KDM4F: variants seen among roughly 807,000 people sequenced by gnomAD.
KDM4F encodes the protein lysine demethylase 4F.
For missense variants in KDM4F, 586 were observed against 496.4 expected, an observed-to-expected ratio of 1.18 and a Z score of -1.71; for synonymous variants, 223 against 184.4, an observed-to-expected ratio of 1.21 and a Z score of -1.70.
At chr11:95,049,597 T>G in exon 1 of KDM4F, 1 of 1,599,158 alleles carries the variant, frequency 6.3e-7, no homozygotes, top group East Asian at 2.2e-5. Context: ...GCCAGACAGA[T>G]GTATGATGAT....
At chr11:95,050,388 C>A (rs989817087) in exon 1 of KDM4F, 6 of 921,000 alleles carry the variant, frequency 6.5e-6, no homozygotes, top group South Asian at 4.0e-5. Flanking sequence ...TGCCTTCGTG[C>A]GCATCCTGCA....
At chr11:95,051,314 G>T in exon 1 of KDM4F, 4 of 398,650 alleles carry the variant, frequency 1.0e-5, no homozygotes, top group South Asian at 1.3e-4. Context: ...CATGGCCATT[G>T]AATATGGTGT....
chr11:95,049,946 C>G (rs1368579281), exon 1 of KDM4F: 1 of 1,614,062 alleles, frequency 6.2e-7, no homozygotes, highest in Non-Finnish European at 8.5e-7. Context: ...TCAACACACC[C>G]TACCTGTACT....
At chr11:95,050,777 A>G in exon 1 of KDM4F, 1 of 645,190 alleles carries the variant, frequency 1.5e-6, no homozygotes, top group Non-Finnish European at 2.8e-6. Context: ...CTGAGGAGAC[A>G]ACTGTTCAGT....
chr11:95,049,563 G>A, exon 1 of KDM4F: 1 of 1,597,442 alleles, frequency 6.3e-7, no homozygotes, highest in Non-Finnish European at 8.5e-7. Context: ...CCTCGCCAAG[G>A]TAATTCCACC....
exon 1 of KDM4F, chr11:95,049,844 A>C: frequency 6.2e-7 from 1 of 1,602,940 alleles, no homozygotes; most frequent in Non-Finnish European, 8.5e-7. Flanking sequence ...GCGGCTCCTT[A>C]TTTGAAGAAA....
exon 1 of KDM4F, chr11:95,050,329 T>C: frequency 7.8e-7 from 1 of 1,285,326 alleles, no homozygotes; most frequent in Admixed American, 1.7e-5. Flanking sequence ...TATGGTAAAG[T>C]GGCTTCACAG....
Position 95,049,691 on chromosome 11 carries a change from G to A in KDM4F, c.270G>A (p.Lys90=), listed in dbSNP as rs1858491242. 23 of 1,602,754 alleles carry A rather than the reference G, an allele frequency of 1.4e-5. No individual in the cohort carries two copies. In the South Asian group the frequency reaches 2.1e-4, roughly 15 times the overall value. ...TGTTTACTCAATACCATAAAAAGAA[G>A]AAAGCCATGAGGGTGGGGCAGTATC... is the stretch of plus-strand genomic sequence containing the variant. Residue 90 remains lysine (K), a synonymous_variant, in exon 1 of 1, where the codon AAG becomes AAA. Transcript: ENST00000545950.
At chr11:95,050,861 C>G (rs1388967934) in exon 1 of KDM4F, 3 of 533,772 alleles carry the variant, frequency 5.6e-6, no homozygotes, top group African/African-American at 1.9e-5. Flanking sequence ...TCCAGTTCGC[C>G]GATGAAGCTT....
At chr11:95,050,613 G>C in exon 1 of KDM4F, 2 of 637,682 alleles carry the variant, frequency 3.1e-6, no homozygotes, top group South Asian at 3.6e-5. Context: ...AAAGGGCGGT[G>C]GTACCGATGC....
chr11:95,049,556 C>T (rs879995822), exon 1 of KDM4F: 70 of 1,596,386 alleles, frequency 4.4e-5, no homozygotes, highest in Middle Eastern at 1.6e-4. Flanking sequence ...GAGCTGGCCT[C>T]GCCAAGGTAA....
At chr11:95,049,533 C>T in the KDM4F span, 73 of 1,593,562 alleles carry the variant, frequency 4.6e-5, no homozygotes, top group Non-Finnish European at 6.0e-5. Context: ...CATGGAGTCC[C>T]AAGGCGCACA....
At chr11:95,050,588 GCT>G in the KDM4F span, 1 of 662,966 alleles carries the variant, frequency 1.5e-6, no homozygotes. Flanking sequence ...TGGCCCCAAG[GCT>G]CTGTTACAAC....
At chr11:95,049,518 G>C in exon 1 of KDM4F, 3 of 1,589,762 alleles carry the variant, frequency 1.9e-6, no homozygotes, top group Non-Finnish European at 2.6e-6. Flanking sequence ...CACATATGTT[G>C]CTTACATGGA....
At chr11:95,050,619 G>A (rs190691767) in exon 1 of KDM4F, 75 of 631,346 alleles carry the variant, frequency 1.2e-4, no homozygotes, top group African/African-American at 1.0e-3. Flanking sequence ...CGGTGGTACC[G>A]ATGCTGTGCC....
chr11:95,049,956 T>A, exon 1 of KDM4F: 1 of 1,614,222 alleles, frequency 6.2e-7, no homozygotes, highest in South Asian at 1.1e-5. Flanking sequence ...CTACCTGTAC[T>A]TTGGCATGTG....
exon 1 of KDM4F, chr11:95,051,071 C>A: frequency 2.4e-6 from 1 of 411,726 alleles, no homozygotes; most frequent in South Asian, 1.1e-4. Flanking sequence ...CTCCCAGTGT[C>A]ACTGTGCCTT....
At chr11:95,049,739 A>G (rs1032419496) in exon 1 of KDM4F, 16 of 1,605,562 alleles carry the variant, frequency 1.0e-5, no homozygotes, top group South Asian at 6.6e-5. Context: ...ACAGTAAAAA[A>G]TATCAGACTC....
rs1206040331 is a variant in KDM4F at position 95,050,228 on chromosome 11, G to T, written c.807G>T (p.Met269Ile). 12 of 1,557,242 alleles carry T rather than the reference G, an allele frequency of 7.7e-6. No individual in the cohort carries two copies. The Admixed American group carries it at 2.0e-4, about 26-fold the overall frequency. ...TGACTCAGGAGGCTGGGGAGTTCAT[G>T]GTGACTTTTCCCTATGGCTACCATG... Residue 269 changes from methionine to isoleucine, a missense_variant, in exon 1 of 1, where the codon ATG (methionine) becomes ATT (isoleucine). Coordinates refer to ENST00000545950, the Ensembl canonical transcript of KDM4F.
Sources: allele counts gnomAD v4.1 joint callset, GRCh38; gene constraint gnomAD v4.1.1; transcripts MANE v1.5; gene names NCBI Gene and HGNC (gene_info 2026-07-23, HGNC 2026-07-21).